Variants in UPP2 observed in about 807,000 individuals in gnomAD.
The protein encoded by UPP2 is uridine phosphorylase 2.
In UPP2, 23 loss-of-function variants were observed where a neutral mutation model predicts 26.7. The ratio of observed to expected loss-of-function variants is 0.86; its 90% CI spans 0.62 to 1.22. The LOEUF (loss-of-function observed/expected upper bound fraction) is 1.22. UPP2 is among the 50% of genes most tolerant of loss of function. The pLI is 0.00. For synonymous variants in UPP2, 127 were observed against 141.3 expected (o/e 0.90, Z 0.72); for missense variants, 387 against 396.7 (o/e 0.98, Z 0.21).
upstream of UPP2, among the ~76,000 whole-genome samples, chr2:158,098,216 G>A (rs1683017157): frequency 6.6e-6 from 1 of 152,098 alleles, no homozygotes; most frequent in African/African-American, 2.4e-5. Flanking sequence ...AGGAGAAATG[G>A]TGCAAGAGGC....
intron 3 of UPP2, among the ~76,000 whole-genome samples, chr2:158,049,733 C>A (rs985674148): frequency 6.6e-6 from 1 of 152,160 alleles, no homozygotes; most frequent in African/African-American, 2.4e-5. Context: ...AGATCTCAGT[C>A]TGTAGTAGAA....
At chr2:158,077,654 C>G (rs561760269) in intron 3 of UPP2, among the ~76,000 whole-genome samples, 1 of 152,136 alleles carries the variant, frequency 6.6e-6, no homozygotes, top group Non-Finnish European at 1.5e-5. Flanking sequence ...GGATTAAAGA[C>G]TTAAATCGAA....
At chr2:158,067,657 AT>A (rs5835687) in intron 3 of UPP2, among the ~76,000 whole-genome samples, 117,273 of 151,958 alleles carry the variant, frequency 0.77, 46,294 homozygotes, top group African/African-American at 0.93. Context: ...TACCATGCCC[AT>A]TTTTTTATTT....
chr2:158,074,729 A>ACACACACACAC (rs1682602996), intron 3 of UPP2, among the ~76,000 whole-genome samples: 1 of 151,768 alleles, frequency 6.6e-6, no homozygotes, highest in Admixed American at 6.6e-5. Context: ...ACACACACAG[A>ACACACACACAC]AAAATAACAA....
At chr2:158,005,964 C>T (rs1683481065) in intron 2 of UPP2, among the ~76,000 whole-genome samples, 1 of 152,144 alleles carries the variant, frequency 6.6e-6, no homozygotes, top group African/African-American at 2.4e-5. Context: ...CGTGTTCATC[C>T]CCTCCTCACA....
chr2:158,060,084 G>A (rs999494095), intron 3 of UPP2, among the ~76,000 whole-genome samples: 22 of 151,942 alleles, frequency 1.4e-4, no homozygotes, highest in Non-Finnish European at 2.9e-4. Flanking sequence ...GTGTGTGTGC[G>A]TGCATGCATG....
intron 3 of UPP2, among the ~76,000 whole-genome samples, chr2:158,023,666 G>A (rs2105150601): frequency 6.6e-6 from 1 of 152,184 alleles, no homozygotes; most frequent in African/African-American, 2.4e-5. Flanking sequence ...TGGGAGTTGG[G>A]TGGGGGTGAT....
intron 3 of UPP2, among the ~76,000 whole-genome samples, chr2:158,020,731 G>A (rs1020912144): frequency 4.6e-5 from 7 of 152,238 alleles, no homozygotes; most frequent in Non-Finnish European, 7.3e-5. Flanking sequence ...GTTGGTGGCT[G>A]TGCTTCACTG....
chr2:158,058,150 G>C lies in UPP2; in HGVS notation c.147+42264G>C, dbSNP rs190570482. On this transcript the variant is annotated intron_variant, in intron 3 of 9. Coordinates refer to the UPP2 transcript ENST00000605860. The stretch of plus-strand genomic sequence containing the variant: ...CTACTAAAAATACAAAAAATTAGCT[G>C]GGTATTGTGGCGTGCGCCTGTAGTC... 3.3e-4 allele frequency among the ~76,000 whole-genome samples: 50 copies of C among 152,138 alleles called. No homozygotes were observed. The East Asian group carries it at 8.7e-3, about 27-fold the overall frequency.
intron 3 of UPP2, among the ~76,000 whole-genome samples, chr2:158,089,614 G>A (rs1473758208): frequency 6.6e-6 from 1 of 152,204 alleles, no homozygotes; most frequent in Non-Finnish European, 1.5e-5. Context: ...CCTCCCAAAG[G>A]ATCCCTGTGA....
At chr2:157,996,736 G>A (rs1683329405) in intron 2 of UPP2, among the ~76,000 whole-genome samples, 1 of 152,054 alleles carries the variant, frequency 6.6e-6, no homozygotes, top group Non-Finnish European at 1.5e-5. Flanking sequence ...TTGCTTTAGG[G>A]GACACATATC....
intron 3 of UPP2, among the ~76,000 whole-genome samples, chr2:158,093,985 A>G (rs1317537654): frequency 1.3e-5 from 2 of 149,982 alleles, no homozygotes; most frequent in African/African-American, 2.4e-5. Flanking sequence ...TATATATGCC[A>G]TATATTATAT....
intron 6 of UPP2, among the ~76,000 whole-genome samples, chr2:158,131,321 T>A (rs1468523): frequency 0.48 from 72,509 of 151,966 alleles, 18,603 homozygotes; most frequent in Non-Finnish European, 0.58. Context: ...CTTTGCCCAC[T>A]GTTCATGGGA....
At chr2:158,001,191 A>T (rs1471105591) in intron 2 of UPP2, among the ~76,000 whole-genome samples, 4 of 152,226 alleles carry the variant, frequency 2.6e-5, no homozygotes, top group African/African-American at 9.6e-5. Flanking sequence ...TTTTGTAAGC[A>T]TCAAACCAGC....
chr2:158,127,470 A>G (rs1257142487), intron 6 of UPP2, among the ~76,000 whole-genome samples: 1 of 152,176 alleles, frequency 6.6e-6, no homozygotes, highest in Non-Finnish European at 1.5e-5. Context: ...ATGAAAAAAA[A>G]AAGGGCCACT....
intron 3 of UPP2, among the ~76,000 whole-genome samples, chr2:158,079,331 C>G (rs932026890): frequency 6.6e-6 from 1 of 151,946 alleles, no homozygotes; most frequent in African/African-American, 2.4e-5. Flanking sequence ...GTATATGTCC[C>G]TGTAGGATAT....
chr2:158,075,877 TA>T (rs897295804), intron 3 of UPP2, among the ~76,000 whole-genome samples: 35 of 150,818 alleles, frequency 2.3e-4, no homozygotes, highest in African/African-American at 8.0e-4. Flanking sequence ...AAGAAAATAA[TA>T]AAAAAGATCA....
intron 3 of UPP2, among the ~76,000 whole-genome samples, chr2:158,086,251 T>A (rs1328121350): frequency 6.6e-6 from 1 of 152,142 alleles, no homozygotes; most frequent in Non-Finnish European, 1.5e-5. Context: ...TTCTAGTTTC[T>A]CCTGTATGTT....
intron 3 of UPP2, among the ~76,000 whole-genome samples, chr2:158,070,737 G>A (rs772980938): frequency 2.6e-5 from 4 of 152,210 alleles, no homozygotes; most frequent in Non-Finnish European, 5.9e-5. Flanking sequence ...CACAGTACCT[G>A]GATTTAACTT....
Sources: gnomAD v4.1 joint callset for allele counts (sites outside exome capture counted in the v4.1 genomes callset) on GRCh38, gnomAD v4.1.1 for gene constraint, MANE v1.5 for transcripts, NCBI Gene and HGNC (gene_info 2026-07-23, HGNC 2026-07-21) for gene names.